Variants in CCDC148 observed in about 807,000 individuals in gnomAD.
CCDC148 encodes coiled-coil domain containing 148.
A neutral mutation model predicts 85.7 loss-of-function variants in CCDC148; 89 were observed. The observed-to-expected ratio is 1.04, with a 90% CI of 0.87 to 1.24. The LOEUF (loss-of-function observed/expected upper bound fraction) is 1.24. CCDC148 is among the 50% of genes most tolerant of loss of function. The pLI is 0.00. For missense variants in CCDC148, 692 were observed against 671.7 expected (o/e 1.03, Z -0.33); for synonymous variants, 230 against 213.9 (o/e 1.08, Z -0.66).
chr2:158,246,632 G>A (rs1401500718), intron 10 of CCDC148, among the ~76,000 whole-genome samples: 1 of 152,148 alleles, frequency 6.6e-6, no homozygotes. Context: ...TTTAACATTT[G>A]TCATGGGACC....
chr2:158,281,652 A>T (rs1690308101), intron 9 of CCDC148, among the ~76,000 whole-genome samples: 3 of 152,082 alleles, frequency 2.0e-5, no homozygotes. Context: ...ACCAACCAAA[A>T]AGAGTCCAGG....
Position 158,361,970 on chromosome 2 carries a change from G to T in CCDC148, c.26-3400C>A, listed in dbSNP as rs1321865224. On this transcript the variant is annotated intron_variant, in intron 1 of 13. Transcript: ENST00000283233. ...ATAGGCTCAAAATAAAGGGATGGAGGAATATTTACCAAGCAAATGGAAAGC... is the reference window on the plus strand; with the variant it reads ...ATAGGCTCAAAATAAAGGGATGGAGTAATATTTACCAAGCAAATGGAAAGC... 5.7e-5 allele frequency among the ~76,000 whole-genome samples: 6 copies of T among 105,890 alleles called. No homozygotes were observed. In the East Asian group the frequency reaches 2.0e-3, roughly 34 times the overall value. The allele number at this position is 105,890 out of a possible 152,430, so 69.5% of individuals were successfully genotyped here. A position where few individuals can be genotyped will look rare whatever the true frequency, so the allele number is the denominator to read the frequency against.
intron 1 of CCDC148, among the ~76,000 whole-genome samples, chr2:158,444,204 C>CAT (rs145392415): frequency 0.075 from 11,327 of 151,826 alleles, 564 homozygotes; most frequent in Middle Eastern, 0.11. Context: ...CATACACACA[C>CAT]ATATATATAT....
At chr2:158,341,307 A>G (rs4637062) in intron 3 of CCDC148, among the ~76,000 whole-genome samples, 113,968 of 146,164 alleles carry the variant, frequency 0.78, 44,699 homozygotes, top group East Asian at 0.95. Context: ...GTGTACATAC[A>G]TATTTTTTTT....
chr2:158,314,213 A>G (rs1692176362), intron 7 of CCDC148, among the ~76,000 whole-genome samples: 1 of 152,230 alleles, frequency 6.6e-6, no homozygotes, highest in South Asian at 2.1e-4. Context: ...AATGAAATAA[A>G]CATTGGAAAA....
intron 10 of CCDC148, among the ~76,000 whole-genome samples, chr2:158,250,326 T>G (rs1574484460): frequency 6.6e-6 from 1 of 152,086 alleles, no homozygotes; most frequent in Admixed American, 6.6e-5. Flanking sequence ...AAGTAAACTC[T>G]AAAGGGCATT....
chr2:158,342,016 A>ATTTTAT (rs1559083849), intron 3 of CCDC148, among the ~76,000 whole-genome samples: 1 of 102,878 alleles, frequency 9.7e-6, no homozygotes, highest in Non-Finnish European at 1.8e-5. Flanking sequence ...ACGTGTCATT[A>ATTTTAT]TTTTCTTTTC....
At position 158,235,115 on chromosome 2, in the gene CCDC148, C is replaced by T. The variant is rs372356826; in HGVS notation, c.1252-14402G>A. ...ACGTAACAAACCTGCACATGTGCCC[C>T]TAAACTTTAAATAAAAGTTAAAAAT... On this transcript the variant is annotated intron_variant, in intron 10 of 13. Transcript: ENST00000283233. Among the ~76,000 whole-genome samples, 79 of 152,030 alleles carry T rather than the reference C, an allele frequency of 5.2e-4. 1 individual carries two copies. In the South Asian group the frequency reaches 0.01, roughly 20 times the overall value.
At chr2:158,436,307 C>T (rs907876007) in intron 1 of CCDC148, among the ~76,000 whole-genome samples, 6 of 152,158 alleles carry the variant, frequency 3.9e-5, no homozygotes, top group African/African-American at 1.2e-4. Flanking sequence ...CAAACTAGAA[C>T]TTAGGATTAA....
chr2:158,353,105 C>T (rs1403155131), intron 2 of CCDC148, among the ~76,000 whole-genome samples: 1 of 151,412 alleles, frequency 6.6e-6, no homozygotes, highest in African/African-American at 2.4e-5. Flanking sequence ...ACAACCGGTA[C>T]CAGCCGCTGC....
intron 2 of CCDC148, among the ~76,000 whole-genome samples, chr2:158,348,322 A>C (rs1683093929): frequency 6.6e-6 from 1 of 152,084 alleles, no homozygotes; most frequent in Admixed American, 6.6e-5. Context: ...AAACAGAAAA[A>C]CATGTTGAAT....
chr2:158,204,087 C>T (rs1443990069), intron 11 of CCDC148, among the ~76,000 whole-genome samples: 2 of 152,128 alleles, frequency 1.3e-5, no homozygotes, highest in Admixed American at 1.3e-4. Context: ...TTCCTCTACT[C>T]AATGAATATT....
intron 8 of CCDC148, among the ~76,000 whole-genome samples, chr2:158,311,077 G>A (rs1035117963): frequency 4.6e-5 from 7 of 152,210 alleles, no homozygotes; most frequent in Non-Finnish European, 8.8e-5. Context: ...GGTGGTGGCC[G>A]GGCAGAGGCT....
chr2:158,257,842 A>G (rs1200588971), intron 9 of CCDC148, among the ~76,000 whole-genome samples: 1 of 151,944 alleles, frequency 6.6e-6, no homozygotes, highest in Non-Finnish European at 1.5e-5. Flanking sequence ...TTCTAGAGGA[A>G]GAAACAAACT....
chr2:158,239,830 A>G (rs770714216), intron 10 of CCDC148, among the ~76,000 whole-genome samples: 25 of 152,166 alleles, frequency 1.6e-4, no homozygotes, highest in Non-Finnish European at 1.0e-4. Context: ...TACAAAAAAC[A>G]TATGCTATCG....
intron 7 of CCDC148, among the ~76,000 whole-genome samples, chr2:158,318,822 T>G (rs1692402248): frequency 6.6e-6 from 1 of 152,044 alleles, no homozygotes; most frequent in South Asian, 2.1e-4. Context: ...CAGGCCAGTG[T>G]GCAGTGGCGT....
intron 1 of CCDC148, among the ~76,000 whole-genome samples, chr2:158,421,397 T>C (rs538530771): frequency 3.2e-4 from 49 of 152,248 alleles, no homozygotes; most frequent in Non-Finnish European, 5.9e-4. Context: ...TCTCTCAGAC[T>C]ACAGTGCAAT....
At chr2:158,172,817 A>G (rs1684381700) in intron 13 of CCDC148, among the ~76,000 whole-genome samples, 1 of 152,048 alleles carries the variant, frequency 6.6e-6, no homozygotes, top group African/African-American at 2.4e-5. Flanking sequence ...GAGTAGTTCA[A>G]CTTCTGTTTT....
chr2:158,199,401 C>T (rs535794904), intron 11 of CCDC148, among the ~76,000 whole-genome samples: 1 of 152,186 alleles, frequency 6.6e-6, no homozygotes, highest in South Asian at 2.1e-4. Context: ...TCCGCCACCA[C>T]CCCTGGCTAA....
Sources: gnomAD v4.1 joint callset for allele counts (sites outside exome capture counted in the v4.1 genomes callset) on GRCh38, gnomAD v4.1.1 for gene constraint, MANE v1.5 for transcripts, NCBI Gene and HGNC (gene_info 2026-07-23, HGNC 2026-07-21) for gene names.